Variants in EFNA5 observed in about 807,000 individuals in gnomAD.
EFNA5 encodes ephrin A5.
EFNA5 carries 5 observed loss-of-function variants against 22.9 expected under a neutral mutation model. The observed-to-expected ratio is 0.22, with a 90% CI of 0.11 to 0.46. The LOEUF (loss-of-function observed/expected upper bound fraction) is 0.46, where lower values mean the gene tolerates loss of function less well. Ranked by LOEUF, EFNA5 falls within the 20% of genes least tolerant of loss-of-function variation. The probability of loss-of-function intolerance (pLI) is 0.99; values close to 1 mark genes in which losing one functional copy is unlikely to be tolerated. For synonymous variants in EFNA5, 113 were observed against 112.2 expected, an observed-to-expected ratio of 1.01 and a Z score of -0.04; for missense variants, 237 against 293.3, an observed-to-expected ratio of 0.81 and a Z score of 1.40.
Position 107,653,200 on chromosome 5 carries a change from C to T in EFNA5, c.125+17289G>A, listed in dbSNP as rs189268060. Among the ~76,000 whole-genome samples the T allele has an allele frequency of 1.3e-3, 196 of 152,134 alleles. 1 individual carries two copies. The highest frequency in any genetic ancestry group is 1.2e-3 in the Non-Finnish European group (79 of 67,970). On this transcript the variant is annotated intron_variant, in intron 1 of 4. Coordinates refer to ENST00000333274, the MANE Select transcript of EFNA5 (RefSeq NM_001962.3). ...CCTTGAGAAGACAGCATCACTGACC[C>T]AAAGGTTTCACTCAGAAATGGGCTG...
chr5:107,404,630 G>T (rs2112393129), intron 2 of EFNA5, among the ~76,000 whole-genome samples: 2 of 152,270 alleles, frequency 1.3e-5, no homozygotes, highest in East Asian at 3.9e-4. Context: ...AAGCAGTTAG[G>T]CGATGTCATA....
At chr5:107,528,354 T>C (rs1208916758) in intron 1 of EFNA5, among the ~76,000 whole-genome samples, 1 of 151,732 alleles carries the variant, frequency 6.6e-6, no homozygotes, top group African/African-American at 2.4e-5. Flanking sequence ...ACACAGCTTA[T>C]TTGTGATAAG....
intron 2 of EFNA5, among the ~76,000 whole-genome samples, chr5:107,400,299 A>G (rs1748051244): frequency 6.9e-6 from 1 of 144,168 alleles, no homozygotes; most frequent in East Asian, 1.9e-4. Flanking sequence ...TATAACTTCA[A>G]TAAGTCAAAT....
intron 2 of EFNA5, among the ~76,000 whole-genome samples, chr5:107,400,921 T>C (rs1256485119): frequency 1.3e-5 from 2 of 152,234 alleles, no homozygotes; most frequent in Admixed American, 6.5e-5. Context: ...ATTTGTTTAC[T>C]ATTTGATTTT....
chr5:107,638,521 T>A (rs1230487274), intron 1 of EFNA5, among the ~76,000 whole-genome samples: 1 of 152,124 alleles, frequency 6.6e-6, no homozygotes, highest in Non-Finnish European at 1.5e-5. Flanking sequence ...AAAATATTTT[T>A]AAAAAAGTAA....
chr5:107,513,187 A>G (rs1215576621), intron 1 of EFNA5, among the ~76,000 whole-genome samples: 1 of 152,086 alleles, frequency 6.6e-6, no homozygotes. Flanking sequence ...CTTAAGTCCT[A>G]CTGTAGTCAG....
intron 1 of EFNA5, among the ~76,000 whole-genome samples, chr5:107,611,269 G>A (rs759625803): frequency 2.0e-5 from 3 of 152,084 alleles, no homozygotes; most frequent in Admixed American, 2.0e-4. Flanking sequence ...TCACAGAAGA[G>A]ACTGTTTAAA....
rs571642775 is a variant in EFNA5 at position 107,535,596 on chromosome 5, T to C, written c.126-108087A>G. On this transcript the variant is annotated intron_variant, in intron 1 of 4. Coordinates refer to ENST00000333274, the MANE Select transcript of EFNA5 (RefSeq NM_001962.3). ...ATTTTTATAGAAAACAGAAACTATATATTCTTAAATTTAAAATGGAATATA... is the reference window on the plus strand; with the variant it reads ...ATTTTTATAGAAAACAGAAACTATACATTCTTAAATTTAAAATGGAATATA... Among the ~76,000 whole-genome samples, 20 of 152,248 alleles carry C rather than the reference T, an allele frequency of 1.3e-4. No individual in the cohort carries two copies. In the South Asian group the frequency reaches 3.5e-3, roughly 27 times the overall value.
At chr5:107,492,401 G>A in intron 1 of EFNA5, among the ~76,000 whole-genome samples, 1 of 152,148 alleles carries the variant, frequency 6.6e-6, no homozygotes. Flanking sequence ...TACCTACTTT[G>A]ACATTATAAA....
rs190528175 is a variant in EFNA5, at chr5:107,635,943, G to A, written c.125+34546C>T. Among the ~76,000 whole-genome samples the A allele has an allele frequency of 2.0e-3, 307 of 152,288 alleles. 1 individual carries two copies. Among genetic ancestry groups the A allele is most frequent in the African/African-American group, 6.9e-3 (288 of 41,560 alleles). ...CAGTTAAACCTAAGGGACATGGGTTGAAAATATTATTAAAGCATCAATGCT... is the reference window on the plus strand; with the variant it reads ...CAGTTAAACCTAAGGGACATGGGTTAAAAATATTATTAAAGCATCAATGCT... On this transcript the variant is annotated intron_variant, in intron 1 of 4. Transcript: ENST00000333274.
At chr5:107,486,535 A>C (rs1036225720) in intron 1 of EFNA5, among the ~76,000 whole-genome samples, 7 of 152,216 alleles carry the variant, frequency 4.6e-5, no homozygotes, top group African/African-American at 1.7e-4. Context: ...TATAGAGTTC[A>C]CCCATATCTA....
At chr5:107,589,220 A>G (rs150887572) in intron 1 of EFNA5, among the ~76,000 whole-genome samples, 1 of 152,358 alleles carries the variant, frequency 6.6e-6, no homozygotes, top group Non-Finnish European at 1.5e-5. Context: ...GGATGACTGA[A>G]TTAAGATAAC....
chr5:107,591,713 C>T (rs1355358858), intron 1 of EFNA5, among the ~76,000 whole-genome samples: 3 of 144,794 alleles, frequency 2.1e-5, no homozygotes, highest in African/African-American at 7.8e-5. Context: ...CCCAGCTACT[C>T]GGGAGGCTGA....
chr5:107,591,930 TA>T, intron 1 of EFNA5, among the ~76,000 whole-genome samples: 1 of 18,958 alleles, frequency 5.3e-5, no homozygotes, highest in East Asian at 8.3e-4. Flanking sequence ...ATATATAATA[TA>T]TAATATATAT....
At chr5:107,524,929 G>C (rs1367141222) in intron 1 of EFNA5, among the ~76,000 whole-genome samples, 1 of 152,152 alleles carries the variant, frequency 6.6e-6, no homozygotes, top group African/African-American at 2.4e-5. Flanking sequence ...CAAGCTCCCA[G>C]TTTTAATTAA....
chr5:107,632,261 G>A (rs574206217), intron 1 of EFNA5, among the ~76,000 whole-genome samples: 20 of 150,932 alleles, frequency 1.3e-4, no homozygotes, highest in South Asian at 4.2e-4. Context: ...CTTGCTTTCC[G>A]CTGCTCCCTT....
intron 1 of EFNA5, among the ~76,000 whole-genome samples, chr5:107,559,262 G>A (rs961474499): frequency 2.6e-5 from 4 of 152,142 alleles, no homozygotes; most frequent in African/African-American, 9.7e-5. Context: ...CTTCTTCATG[G>A]TAACTTCTGC....
At chr5:107,419,208 T>G (rs1339941825) in intron 2 of EFNA5, among the ~76,000 whole-genome samples, 3 of 152,216 alleles carry the variant, frequency 2.0e-5, no homozygotes, top group Non-Finnish European at 2.9e-5. Context: ...ACAGAATAAT[T>G]TCCACAAGTC....
chr5:107,430,314 C>A (rs779633162), intron 1 of EFNA5, among the ~76,000 whole-genome samples: 6 of 152,076 alleles, frequency 3.9e-5, no homozygotes, highest in Non-Finnish European at 7.4e-5. Context: ...AAGAGCCAGA[C>A]AAGAACAGCA....
Sources: allele counts gnomAD v4.1 joint callset (sites outside exome capture counted in the v4.1 genomes callset), GRCh38; gene constraint gnomAD v4.1.1; transcripts MANE v1.5; gene names NCBI Gene and HGNC (gene_info 2026-07-23, HGNC 2026-07-21).